The following TRIM2 variants were observed in gnomAD, a reference collection of about 807,000 sequenced individuals.
The protein encoded by TRIM2 is tripartite motif-containing protein 2.
A neutral mutation model predicts 75.2 loss-of-function variants in TRIM2; 20 were observed. The ratio of observed to expected loss-of-function variants is 0.27; its 90% CI spans 0.19 to 0.39. The LOEUF is 0.39. TRIM2 is among the 10% of genes least tolerant of loss of function. The pLI is 1.00. For synonymous variants in TRIM2, 373 were observed against 388.3 expected (o/e 0.96, Z 0.46); for missense variants, 660 against 990.8 (o/e 0.67, Z 4.48).
chr4:153,334,632 C>T (rs139262737), intron 11 of TRIM2, among the ~76,000 whole-genome samples, 182 bp from the exon 12 acceptor site: 81 of 152,054 alleles, frequency 5.3e-4, no homozygotes, highest in African/African-American at 1.9e-3. Flanking sequence ...CTTGAGCCTA[C>T]GAATTAAAGG....
Position 153,304,793 on chromosome 4 carries a change from C to T in TRIM2, c.1510+8757C>T, listed in dbSNP as rs528283964. ...GGACCAAGGATCTGCATTCTGCAAG[C>T]TCCAGTGCTACTTATGCACACTAAG... On this transcript the variant is annotated intron_variant, in intron 6 of 11. Coordinates refer to ENST00000338700, the MANE Select transcript of TRIM2 (RefSeq NM_015271.5). 2.0e-5 allele frequency among the ~76,000 whole-genome samples: 3 copies of T among 152,344 alleles called. No individual in the cohort carries two copies. In the South Asian group the frequency reaches 6.2e-4, roughly 32 times the overall value.
rs369881200 is a variant in TRIM2 at position 153,315,446 on chromosome 4, T to G, written c.1511-39T>G. Reference sequence around the variant, plus strand: ...TTGCTGAAACAGAGAAATCTAACCCTTTAGTGCTTAATTTTTATGATTTTA... The same window carrying G: ...TTGCTGAAACAGAGAAATCTAACCCGTTAGTGCTTAATTTTTATGATTTTA... On this transcript the variant is annotated intron_variant, in intron 6 of 11. Coordinates refer to ENST00000338700, the MANE Select transcript of TRIM2 (RefSeq NM_015271.5). 223 of 1,517,746 alleles carry G rather than the reference T, an allele frequency of 1.5e-4. No individual in the cohort carries two copies. The African/African-American group carries it at 2.7e-3, about 18-fold the overall frequency. The allele number at this position is 1,517,746 out of a possible 1,614,324, so 94.0% of individuals were successfully genotyped here.
At chr4:153,247,152 G>A (rs1381158471) in intron 1 of TRIM2, among the ~76,000 whole-genome samples, 3 of 152,262 alleles carry the variant, frequency 2.0e-5, no homozygotes, top group East Asian at 3.9e-4. Context: ...TCCACAGGCC[G>A]CTGACCAGCA....
chr4:153,217,031 A>T (rs1730303114), intron 1 of TRIM2, among the ~76,000 whole-genome samples: 1 of 152,208 alleles, frequency 6.6e-6, no homozygotes, highest in South Asian at 2.1e-4. Flanking sequence ...TCTCCCCAAC[A>T]TCTTACCATG....
Position 153,328,536 on chromosome 4 carries a change from A to C in TRIM2, c.2029A>C (p.Asn677His). 1 of 1,606,564 alleles carries C rather than the reference A, an allele frequency of 6.2e-7. No homozygotes were observed. The highest frequency in any genetic ancestry group is 1.1e-5 in the South Asian group (1 of 89,334). Reference protein sequence around the residue: ...DFHNHSVKVFNQEGEFMLKFG... With the variant: ...DFHNHSVKVFHQEGEFMLKFG... ...TTAAAAATATTTCATACAGGTGTTTAATCAGGAAGGAGAATTCATGTTGAA... is the reference window on the plus strand; with the variant it reads ...TTAAAAATATTTCATACAGGTGTTTCATCAGGAAGGAGAATTCATGTTGAA... Residue 677 changes from asparagine (N) to histidine (H), a missense_variant, in exon 11 of 12, where the codon AAT (asparagine) becomes CAT (histidine). Physicochemically the swap from Asn to His is moderately conservative, Grantham distance 68. Around this residue, in one of 2 missense-constraint regions of TRIM2, gnomAD observed 620 missense variants for 891.0 expected, o/e 0.70. Transcript: ENST00000338700.
rs1579847285 is a variant in TRIM2 at position 153,334,673 on chromosome 4, A to G, written c.2164-141A>G. On this transcript the variant is annotated intron_variant, in intron 11 of 11. Coordinates refer to ENST00000338700, the MANE Select transcript of TRIM2 (RefSeq NM_015271.5). ...GTAAGCTGTCTTCACACCACGGCAC[A>G]CCAGCCTGGGTGTCAGAGTGAGACC... 4.5e-5 allele frequency: 34 copies of G among 763,388 alleles called. No homozygotes were observed. In the East Asian group the frequency reaches 8.9e-4, roughly 20 times the overall value. 47.3% of individuals were successfully genotyped at this position (763,388 alleles called of 1,614,324 possible).
rs762106034 is a variant in TRIM2, at chr4:153,295,936, C to T, written c.1410C>T (p.Ser470=). 1.0e-5 allele frequency: 16 copies of T among 1,593,994 alleles called. No homozygotes were observed. The highest frequency in any genetic ancestry group is 1.4e-5 in the Non-Finnish European group (16 of 1,170,920). The change falls in exon 6 of 12, where the codon AGC becomes AGT. Residue 470 remains serine (S), a synonymous_variant. Coordinates refer to ENST00000338700, the MANE Select transcript of TRIM2 (RefSeq NM_015271.5). The surrounding 1 kb of genome is among the most constrained non-coding windows in gnomAD (Gnocchi z 7.2). The part of the protein sequence containing the change: ...GVKRRVKSPG[S]GHVKQKAVKR... ...AGAGGCGCGTTAAGTCCCCGGGGAG[C>T]GGCCACGTCAAGCAGAAAGCTGTGA...
intron 1 of TRIM2, among the ~76,000 whole-genome samples, chr4:153,245,878 C>T (rs1749002562): frequency 7.1e-6 from 1 of 140,598 alleles, no homozygotes; most frequent in Non-Finnish European, 1.6e-5. Flanking sequence ...AGGGTTTTGC[C>T]ATGTTGCCCA....
At chr4:153,288,156 G>A (rs1761067636) in intron 3 of TRIM2, among the ~76,000 whole-genome samples, 4 of 152,016 alleles carry the variant, frequency 2.6e-5, no homozygotes, top group Admixed American at 2.6e-4. Context: ...AAAATCTGCA[G>A]CCGGGCATGG....
At chr4:153,296,086 G>C (rs753727814) in intron 6 of TRIM2, 50 bp downstream of exon 6, 1 of 1,502,554 alleles carries the variant, frequency 6.7e-7, no homozygotes, top group Non-Finnish European at 8.9e-7. Context: ...CTGGTTAAGG[G>C]GTAACTGGGC....
At chr4:153,260,777 G>A (rs56381837) in intron 1 of TRIM2, among the ~76,000 whole-genome samples, 12,672 of 141,090 alleles carry the variant, frequency 0.09, 715 homozygotes, top group Middle Eastern at 0.15. Flanking sequence ...GAAAGATAAT[G>A]CATCTAGCCT....
At chr4:153,283,904 TC>T (rs1160979510) in intron 3 of TRIM2, among the ~76,000 whole-genome samples, 1 of 136,876 alleles carries the variant, frequency 7.3e-6, no homozygotes, top group African/African-American at 2.7e-5. Context: ...AGAGACTTGC[TC>T]TGCTGCCCAG....
chr4:153,315,993 A>C lies in TRIM2; in HGVS notation c.1776A>C (p.Lys592Asn). The change falls in exon 8 of 12, where the codon AAA becomes AAC. Residue 592 changes from lysine (K) to asparagine (N), a missense_variant. By Grantham distance (94) the Lys-to-Asn change is moderately conservative. Coordinates refer to ENST00000338700, the MANE Select transcript of TRIM2 (RefSeq NM_015271.5). ...KWVSIFSSDG[K>N]FKTKIGSGKL... ...TCAGCATTTTCTCCTCCGATGGGAA[A>C]TTTAAGGTAAGATTAACTACTAATT... The C allele has an allele frequency of 6.4e-7, 1 of 1,566,082 alleles. No individual in the cohort carries two copies.
At chr4:153,169,680 G>T (rs1270865945) in intron 1 of TRIM2, among the ~76,000 whole-genome samples, 1 of 152,176 alleles carries the variant, frequency 6.6e-6, no homozygotes, top group Non-Finnish European at 1.5e-5. Flanking sequence ...AATTTGTAAA[G>T]ATTTTAATAT....
intron 1 of TRIM2, among the ~76,000 whole-genome samples, chr4:153,234,093 T>C (rs1214387113): frequency 6.6e-6 from 1 of 152,204 alleles, no homozygotes; most frequent in Non-Finnish European, 1.5e-5. Flanking sequence ...AATAATGGCT[T>C]CAATCCCCAT....
At chr4:153,281,435 G>C (rs1759318308) in intron 3 of TRIM2, among the ~76,000 whole-genome samples, 1 of 152,212 alleles carries the variant, frequency 6.6e-6, no homozygotes, top group Non-Finnish European at 1.5e-5. Flanking sequence ...AGCAGCATGT[G>C]CCTTAAATCA....
At chr4:153,230,167 G>A (rs186602489) in intron 1 of TRIM2, among the ~76,000 whole-genome samples, 4 of 152,070 alleles carry the variant, frequency 2.6e-5, no homozygotes, top group Admixed American at 2.6e-4. Context: ...GCCTCAATAC[G>A]TTTGCCATCC....
At chr4:153,210,790 A>C (rs955710763) in intron 1 of TRIM2, among the ~76,000 whole-genome samples, 4 of 152,176 alleles carry the variant, frequency 2.6e-5, no homozygotes, top group Non-Finnish European at 5.9e-5. Context: ...CACAGCATAA[A>C]TATTAATGCT....
chr4:153,271,377 A>G lies in TRIM2; in HGVS notation c.215+858A>G, dbSNP rs1756631096. On this transcript the variant is annotated intron_variant, in intron 2 of 11. Coordinates refer to ENST00000338700, the MANE Select transcript of TRIM2 (RefSeq NM_015271.5). ...GAAATCAGTATTTCAAATGGCTTCA[A>G]ATCTATGCTGATTACACAAATATCT... Among the ~76,000 whole-genome samples the G allele has an allele frequency of 3.9e-5, 6 of 152,342 alleles. No homozygotes were observed. The South Asian group carries it at 1.2e-3, about 32-fold the overall frequency.
Sources: allele counts gnomAD v4.1 joint callset (sites outside exome capture counted in the v4.1 genomes callset), GRCh38; gene constraint gnomAD v4.1.1; regional missense constraint gnomAD v4.1.1; non-coding constraint Gnocchi (gnomAD v3.1); transcripts MANE v1.5; gene names NCBI Gene and HGNC (gene_info 2026-07-23, HGNC 2026-07-21).